KIAA1217: variants seen among roughly 807,000 people sequenced by gnomAD.
The protein encoded by KIAA1217 is KIAA1217.
A neutral mutation model predicts 163.9 loss-of-function variants in KIAA1217; 88 were observed. The ratio of observed to expected loss-of-function variants is 0.54; its 90% confidence interval spans 0.45 to 0.64. The LOEUF (loss-of-function observed/expected upper bound fraction) is 0.64, where lower values mean the gene tolerates loss of function less well. Ranked by LOEUF, KIAA1217 falls within the 30% of genes least tolerant of loss-of-function variation. The pLI is 0.00. For synonymous variants in KIAA1217, 903 were observed against 923.1 expected (o/e 0.98, Z 0.39); for missense variants, 2,372 against 2,475.0 (o/e 0.96, Z 0.88).
chr10:24,484,532 C>G (rs763737228), intron 6 of KIAA1217, among the ~76,000 whole-genome samples: 1 of 151,684 alleles, frequency 6.6e-6, no homozygotes, highest in East Asian at 1.9e-4. Context: ...CAGGTGTGAG[C>G]CACCGTGTAT....
intron 5 of KIAA1217, among the ~76,000 whole-genome samples, chr10:24,442,097 A>G (rs139272471): frequency 0.011 from 1,725 of 152,166 alleles, 10 homozygotes; most frequent in Middle Eastern, 0.024. Flanking sequence ...TTTTACTTGT[A>G]TATAGACAAT....
At chr10:24,101,837 T>C (rs1210141641) in intron 2 of KIAA1217, among the ~76,000 whole-genome samples, 1 of 152,192 alleles carries the variant, frequency 6.6e-6, no homozygotes, top group East Asian at 1.9e-4. Flanking sequence ...GAACAGTAGT[T>C]TATTTATCTT....
chr10:24,408,605 C>A (rs986796785), intron 3 of KIAA1217, among the ~76,000 whole-genome samples: 12 of 152,236 alleles, frequency 7.9e-5, no homozygotes, highest in Admixed American at 5.9e-4. Flanking sequence ...CAATTCCTGG[C>A]ATCTTGGCAG....
rs112594957 is a variant in KIAA1217 at position 24,189,192 on chromosome 10, G to A, written c.-170-30434G>A. ...ATGATAGTACCAGCCTTATCAGGTC[G>A]TTGAGAGGAATACATGATCCTACCA... On this transcript the variant is annotated intron_variant, in intron 2 of 18. Coordinates refer to the KIAA1217 transcript ENST00000376462. Among the ~76,000 whole-genome samples the A allele has an allele frequency of 5.9e-5, 9 of 151,872 alleles. No homozygotes were observed. In the East Asian group the frequency reaches 7.7e-4, roughly 13 times the overall value.
intron 1 of KIAA1217, among the ~76,000 whole-genome samples, chr10:23,774,713 A>G (rs1834936734): frequency 6.6e-6 from 1 of 152,098 alleles, no homozygotes; most frequent in Admixed American, 6.6e-5. Context: ...CCAGAGGTGG[A>G]AGAAAAAGGT....
chr10:24,542,912 C>A lies in KIAA1217; in HGVS notation c.3642C>A (p.Asp1214Glu), dbSNP rs2075296730. Residue 1214 changes from aspartate to glutamate, a missense_variant, in exon 19 of 21, where the codon GAC becomes GAA. Physicochemically the swap from Asp to Glu is conservative, Grantham distance 45 (BLOSUM62 2). Around this residue, in one of 3 missense-constraint regions of KIAA1217, gnomAD observed 251 missense variants for 327.3 expected, o/e 0.77. Transcript: ENST00000376454. ...CCACAGGGGCTGTAAGACCTAGTGACCCTCCTAAGTGGGAAAGAGGAATGG... is the reference window on the plus strand; with the variant it reads ...CCACAGGGGCTGTAAGACCTAGTGAACCTCCTAAGTGGGAAAGAGGAATGG... ...KVTTGAVRPS[D>E]PPKWERGMEN... The A allele has an allele frequency of 5.0e-6, 8 of 1,611,956 alleles. No homozygotes were observed. The highest frequency in any genetic ancestry group is 5.9e-6 in the Non-Finnish European group (7 of 1,178,994).
intron 2 of KIAA1217, among the ~76,000 whole-genome samples, chr10:24,195,213 G>A (rs1422754599): frequency 6.6e-6 from 1 of 152,190 alleles, no homozygotes; most frequent in Non-Finnish European, 1.5e-5. Flanking sequence ...AGCATCCCTG[G>A]AAGTATGATC....
At chr10:23,964,621 T>A (rs796374015) in intron 1 of KIAA1217, among the ~76,000 whole-genome samples, 1 of 152,060 alleles carries the variant, frequency 6.6e-6, no homozygotes, top group Non-Finnish European at 1.5e-5. Context: ...AGTGGCACCA[T>A]CTCGGCTCAC....
intron 2 of KIAA1217, among the ~76,000 whole-genome samples, chr10:24,298,788 A>G (rs925290278): frequency 6.6e-6 from 1 of 151,990 alleles, no homozygotes; most frequent in Non-Finnish European, 1.5e-5. Context: ...ACAGAGGAAG[A>G]CTCCATCTCA....
chr10:23,711,331 A>T (rs932868430), intron 1 of KIAA1217, among the ~76,000 whole-genome samples: 1 of 152,172 alleles, frequency 6.6e-6, no homozygotes, highest in Admixed American at 6.6e-5. Flanking sequence ...TTGATTATCT[A>T]GGTGAGCCAA....
chr10:24,380,858 G>T lies in KIAA1217; in HGVS notation c.355-11G>T. 6.7e-7 allele frequency: 1 copy of T among 1,491,874 alleles called. No homozygotes were observed. The highest frequency in any genetic ancestry group is 1.4e-5 in the South Asian group (1 of 72,292). 92.4% of individuals were successfully genotyped at this position (1,491,874 alleles called of 1,614,324 possible). A position where few individuals can be genotyped will look rare whatever the true frequency, so the allele number is the denominator to read the frequency against. On this transcript the variant is annotated splice_polypyrimidine_tract_variant and intron_variant, in intron 2 of 20. Transcript: ENST00000376454. Reference sequence around the variant, plus strand: ...TCTATTTTCCCACTTTCTTTAAAATGCCTTTTGCAGACAAGGAGCCCCAAA... The same window carrying T: ...TCTATTTTCCCACTTTCTTTAAAATTCCTTTTGCAGACAAGGAGCCCCAAA...
chr10:24,118,843 G>GTT (rs1459984726), intron 2 of KIAA1217, among the ~76,000 whole-genome samples: 1 of 152,146 alleles, frequency 6.6e-6, no homozygotes, highest in Non-Finnish European at 1.5e-5. Context: ...GACCCAGGGA[G>GTT]TAGAACTAGA....
intron 2 of KIAA1217, among the ~76,000 whole-genome samples, chr10:24,291,821 A>G (rs1418841526): frequency 6.6e-6 from 1 of 152,202 alleles, no homozygotes; most frequent in African/African-American, 2.4e-5. Flanking sequence ...ATCAATAGCT[A>G]TTATTTAAAT....
At chr10:24,457,608 C>T (rs1237164430) in intron 5 of KIAA1217, among the ~76,000 whole-genome samples, 2 of 152,140 alleles carry the variant, frequency 1.3e-5, no homozygotes, top group African/African-American at 4.8e-5. Flanking sequence ...GCTATGTTGC[C>T]CAGGCTGGTC....
intron 3 of KIAA1217, among the ~76,000 whole-genome samples, chr10:24,429,667 C>CT: frequency 6.6e-6 from 1 of 152,264 alleles, no homozygotes; most frequent in South Asian, 2.1e-4. Context: ...TTCCGAGTTT[C>CT]TTTTTCCTGT....
chr10:24,547,135 T>C lies in KIAA1217; in HGVS notation c.*811T>C, dbSNP rs2075753529. On this transcript the variant is annotated 3_prime_UTR_variant, in exon 21 of 21. Coordinates refer to ENST00000376454, the MANE Select transcript of KIAA1217 (RefSeq NM_019590.5). ...TGGCGTATCTAACCCCTTCTTTTGTTTTCTGAGACCTGGTAACCCACGCTC... is the reference window on the plus strand; with the variant it reads ...TGGCGTATCTAACCCCTTCTTTTGTCTTCTGAGACCTGGTAACCCACGCTC... 1 of 152,254 alleles carries C rather than the reference T, an allele frequency of 6.6e-6. No homozygotes were observed. Among genetic ancestry groups the C allele is most frequent in the Non-Finnish European group, 1.5e-5 (1 of 67,984 alleles). 9.4% of individuals were successfully genotyped at this position (152,254 alleles called of 1,614,324 possible).
intron 2 of KIAA1217, among the ~76,000 whole-genome samples, chr10:24,093,282 T>C (rs1014477247): frequency 5.3e-5 from 8 of 151,766 alleles, no homozygotes; most frequent in Non-Finnish European, 1.0e-4. Context: ...GTTATTCTCC[T>C]GCCTCAGCCT....
chr10:24,446,405 A>G (rs1480748201), intron 5 of KIAA1217, among the ~76,000 whole-genome samples: 1 of 151,316 alleles, frequency 6.6e-6, no homozygotes, highest in Non-Finnish European at 1.5e-5. Context: ...CATTAAAAAA[A>G]GAAAAGAAAA....
chr10:24,484,200 C>T (rs1209267189), intron 6 of KIAA1217, among the ~76,000 whole-genome samples: 9 of 128,332 alleles, frequency 7.0e-5, no homozygotes, highest in African/African-American at 2.3e-4. Context: ...TATTGATATA[C>T]ATATATATAG....
Sources: gnomAD v4.1 joint callset for allele counts (sites outside exome capture counted in the v4.1 genomes callset) on GRCh38, gnomAD v4.1.1 for gene constraint, gnomAD v4.1.1 regional missense constraint, MANE v1.5 for transcripts, NCBI Gene and HGNC (gene_info 2026-07-23, HGNC 2026-07-21) for gene names.